PTPRN2: variants seen among roughly 807,000 people sequenced by gnomAD.
PTPRN2 encodes the protein receptor-type tyrosine-protein phosphatase N2.
In PTPRN2, 74 loss-of-function variants were observed where a neutral mutation model predicts 118.8. That is an observed-to-expected ratio of 0.62 (90% CI 0.52 to 0.76). The LOEUF is 0.76. PTPRN2 is among the 30% of genes least tolerant of loss of function. The probability of loss-of-function intolerance (pLI) is 0.00; values close to 1 mark genes in which losing one functional copy is unlikely to be tolerated. For synonymous variants in PTPRN2, 641 were observed against 608.0 expected, an observed-to-expected ratio of 1.05 and a Z score of -0.80; for missense variants, 1,481 against 1,394.4, an observed-to-expected ratio of 1.06 and a Z score of -0.99.
At chr7:158,117,913 A>C (rs1421412567) in intron 9 of PTPRN2, among the ~76,000 whole-genome samples, 9 of 152,224 alleles carry the variant, frequency 5.9e-5, no homozygotes, top group Non-Finnish European at 1.2e-4. Context: ...GCCTTGCAAG[A>C]AATATTCCAA....
intron 21 of PTPRN2, among the ~76,000 whole-genome samples, chr7:157,568,683 A>G (rs547987578): frequency 1.3e-5 from 2 of 151,800 alleles, no homozygotes; most frequent in Admixed American, 6.5e-5. Flanking sequence ...GAGGCAGGTA[A>G]CAAAGGACCC....
chr7:157,832,546 C>A lies in PTPRN2; in HGVS notation c.1788+66127G>T, dbSNP rs78129098. The stretch of plus-strand genomic sequence containing the variant: ...CTGACCAACACACTGAAGCTCCCTT[C>A]AAACCCAGAGACTTACTGCACTTGC... On this transcript the variant is annotated intron_variant, in intron 12 of 22. Transcript: ENST00000389418. Among the ~76,000 whole-genome samples, 966 of 152,264 alleles carry A rather than the reference C, an allele frequency of 6.3e-3. 30 individuals are homozygous for A. Among genetic ancestry groups the A allele is most frequent in the East Asian group, 0.03 (157 of 5,184 alleles).
chr7:158,279,026 G>T (rs182385168), intron 3 of PTPRN2, among the ~76,000 whole-genome samples: 1 of 152,302 alleles, frequency 6.6e-6, no homozygotes, highest in East Asian at 1.9e-4. Context: ...ACGTAGTGAG[G>T]ACCCAAAGAG....
chr7:157,719,457 G>C (rs1202460445), intron 12 of PTPRN2, among the ~76,000 whole-genome samples: 1 of 152,258 alleles, frequency 6.6e-6, no homozygotes, highest in African/African-American at 2.4e-5. Flanking sequence ...CCTTCTGTGT[G>C]CTTACATGTC....
At chr7:158,455,062 C>T (rs1818368339) in intron 2 of PTPRN2, among the ~76,000 whole-genome samples, 2 of 152,240 alleles carry the variant, frequency 1.3e-5, no homozygotes, top group South Asian at 4.1e-4. Flanking sequence ...CCCATGGACC[C>T]CCAATCCCAC....
chr7:158,403,410 C>A (rs1404342916), intron 2 of PTPRN2, among the ~76,000 whole-genome samples: 1 of 152,240 alleles, frequency 6.6e-6, no homozygotes, highest in Admixed American at 6.5e-5. Context: ...GCAGGCCCCA[C>A]CCCAGCAACC....
At chr7:157,649,946 G>A (rs925669267) in intron 14 of PTPRN2, among the ~76,000 whole-genome samples, 6 of 148,180 alleles carry the variant, frequency 4.0e-5, no homozygotes, top group Admixed American at 1.4e-4. Flanking sequence ...AGTGTGCACT[G>A]AACTCGGTGG....
chr7:158,182,398 G>A (rs1007378827), intron 5 of PTPRN2, among the ~76,000 whole-genome samples: 1 of 152,088 alleles, frequency 6.6e-6, no homozygotes, highest in African/African-American at 2.4e-5. Flanking sequence ...AGAACATGCA[G>A]GTTTGTTACC....
intron 12 of PTPRN2, among the ~76,000 whole-genome samples, chr7:157,745,823 C>T (rs936818526): frequency 2.0e-5 from 3 of 152,282 alleles, no homozygotes; most frequent in South Asian, 4.1e-4. Flanking sequence ...ACATGTTTGA[C>T]GCACGCCCTG....
At chr7:157,837,995 C>T (rs1299175458) in intron 12 of PTPRN2, among the ~76,000 whole-genome samples, 1 of 146,918 alleles carries the variant, frequency 6.8e-6, no homozygotes, top group Non-Finnish European at 1.5e-5. Flanking sequence ...CTCCACTATG[C>T]CTACTCCAGT....
chr7:158,524,366 T>G (rs1336008031), intron 1 of PTPRN2, among the ~76,000 whole-genome samples: 5 of 116,080 alleles, frequency 4.3e-5, no homozygotes, highest in African/African-American at 1.4e-4. Flanking sequence ...TGGAGTCATC[T>G]GCCCTGGAGT....
At chr7:158,547,352 T>C (rs545038278) in intron 1 of PTPRN2, among the ~76,000 whole-genome samples, 1 of 149,312 alleles carries the variant, frequency 6.7e-6, no homozygotes, top group Non-Finnish European at 1.5e-5. Context: ...CCCAATCCTA[T>C]GCTGACTCCC....
rs187455526 is a variant in PTPRN2, at chr7:158,282,415, G to A, written c.277+34404C>T. Among the ~76,000 whole-genome samples the A allele has an allele frequency of 2.1e-4, 32 of 152,332 alleles. 1 individual carries two copies. The East Asian group carries it at 3.1e-3, about 15-fold the overall frequency. ...ATGTAGAAGTACTGCGGGGCCATGC[G>A]TCAGAGGTGTGTGGGTCTAGGAGAC... On this transcript the variant is annotated intron_variant, in intron 3 of 22. Transcript: ENST00000389418.
intron 6 of PTPRN2, among the ~76,000 whole-genome samples, chr7:158,150,141 A>G (rs975611631): frequency 1.3e-5 from 2 of 152,174 alleles, no homozygotes; most frequent in Non-Finnish European, 2.9e-5. Context: ...GGCCGGCAAC[A>G]ATGCTGTTCC....
Position 157,674,337 on chromosome 7 carries a change from A to G in PTPRN2, c.2001+8388T>C, listed in dbSNP as rs1318122726. Among the ~76,000 whole-genome samples, 2 of 152,156 alleles carry G rather than the reference A, an allele frequency of 1.3e-5. No individual in the cohort carries two copies. Among genetic ancestry groups the G allele is most frequent in the African/African-American group, 2.4e-5 (1 of 41,446 alleles). The stretch of plus-strand genomic sequence containing the variant: ...GGGACTCCTGCTGGAGGCGGCCGGC[A>G]GATCAGCCTTCCTTATCCACGTCCT... On this transcript the variant is annotated intron_variant, in intron 13 of 22. Transcript: ENST00000389418. The surrounding 1 kb of genome is among the most constrained non-coding windows in gnomAD (Gnocchi z 4.5).
At chr7:158,311,969 G>A (rs1244703328) in intron 3 of PTPRN2, among the ~76,000 whole-genome samples, 6 of 141,678 alleles carry the variant, frequency 4.2e-5, no homozygotes, top group East Asian at 4.3e-4. Flanking sequence ...ATGCACTCAC[G>A]TGCTCACATG....
rs1214422170 is a variant in PTPRN2 at position 158,452,554 on chromosome 7, C to A, written c.163+37181G>T. Among the ~76,000 whole-genome samples, 3 of 152,158 alleles carry A rather than the reference C, an allele frequency of 2.0e-5. No individual in the cohort carries two copies. The East Asian group carries it at 5.8e-4, about 29-fold the overall frequency. ...CCTTGTCCCGGGCGGCCTCCTGCCA[C>A]CCCACCGATTTCCCCTCCCACTCAC... On this transcript the variant is annotated intron_variant, in intron 2 of 22. Transcript: ENST00000389418.
intron 9 of PTPRN2, among the ~76,000 whole-genome samples, chr7:158,122,220 G>T (rs150235070): frequency 6.6e-6 from 1 of 152,218 alleles, no homozygotes; most frequent in Non-Finnish European, 1.5e-5. Flanking sequence ...TGAAGATGGC[G>T]TCTCCTCTCT....
At chr7:157,753,607 G>A (rs1037998045) in intron 12 of PTPRN2, among the ~76,000 whole-genome samples, 2 of 151,622 alleles carry the variant, frequency 1.3e-5, no homozygotes, top group Admixed American at 1.3e-4. Flanking sequence ...TCTAGTCGAA[G>A]CTCCGTTCTC....
Sources: allele counts gnomAD v4.1 joint callset (sites outside exome capture counted in the v4.1 genomes callset), GRCh38; gene constraint gnomAD v4.1.1; non-coding constraint Gnocchi (gnomAD v3.1); transcripts MANE v1.5; gene names NCBI Gene and HGNC (gene_info 2026-07-23, HGNC 2026-07-21).